The following CSMD1 variants were observed in gnomAD, a reference collection of about 807,000 sequenced individuals.
CSMD1 encodes CUB and Sushi multiple domains 1, also known as CUB and sushi domain-containing protein 1.
A neutral mutation model predicts 417.5 loss-of-function variants in CSMD1; 213 were observed. The ratio of observed to expected loss-of-function variants is 0.51; its 90% CI spans 0.46 to 0.57. The LOEUF (loss-of-function observed/expected upper bound fraction) is 0.57, where lower values mean the gene tolerates loss of function less well. Ranked by LOEUF, CSMD1 falls within the 20% of genes least tolerant of loss-of-function variation. The pLI is 0.00. For missense variants in CSMD1, 6,923 were observed against 4,529.7 expected (o/e 1.53, Z -15.17); for synonymous variants, 2,862 against 1,736.8 (o/e 1.65, Z -16.11).
intron 5 of CSMD1, among the ~76,000 whole-genome samples, chr8:3,786,906 T>G (rs1054468193): frequency 6.6e-6 from 1 of 152,068 alleles, no homozygotes; most frequent in African/African-American, 2.4e-5. Flanking sequence ...CTCCTAATAC[T>G]AGCACCTTTA....
At chr8:4,446,983 G>A (rs892348104) in intron 2 of CSMD1, among the ~76,000 whole-genome samples, 1 of 151,830 alleles carries the variant, frequency 6.6e-6, no homozygotes, top group African/African-American at 2.4e-5. Flanking sequence ...GGAGATGACT[G>A]GGTGGAGTGG....
At chr8:4,708,543 G>A (rs369395874) in intron 1 of CSMD1, among the ~76,000 whole-genome samples, 76 of 152,286 alleles carry the variant, frequency 5.0e-4, no homozygotes, top group African/African-American at 1.8e-3. Flanking sequence ...GTAAATTAAA[G>A]GAAGGTGATT....
At chr8:4,061,936 A>G (rs906813028) in intron 3 of CSMD1, among the ~76,000 whole-genome samples, 9 of 152,316 alleles carry the variant, frequency 5.9e-5, no homozygotes, top group East Asian at 1.9e-4. Flanking sequence ...CTGACTAACG[A>G]AAGATTCTTC....
At chr8:4,066,072 C>G (rs184742113) in intron 3 of CSMD1, among the ~76,000 whole-genome samples, 38 of 152,304 alleles carry the variant, frequency 2.5e-4, no homozygotes, top group Admixed American at 3.3e-4. Flanking sequence ...GAATAGGTGG[C>G]TCATTTACAA....
intron 3 of CSMD1, among the ~76,000 whole-genome samples, chr8:4,175,773 G>C (rs1584960699): frequency 6.6e-6 from 1 of 152,228 alleles, no homozygotes; most frequent in Non-Finnish European, 1.5e-5. Context: ...AAGATATAAA[G>C]TCATGAATAC....
chr8:3,815,094 C>A (rs951062957), intron 5 of CSMD1, among the ~76,000 whole-genome samples: 2 of 152,152 alleles, frequency 1.3e-5, no homozygotes, highest in African/African-American at 2.4e-5. Context: ...TTGAGCTGTA[C>A]ATTTTTTCAG....
At chr8:4,885,993 ATTTATTTAC>A (rs961747901) in intron 1 of CSMD1, among the ~76,000 whole-genome samples, 5 of 150,052 alleles carry the variant, frequency 3.3e-5, no homozygotes, top group Non-Finnish European at 7.5e-5. Context: ...TTATTTACTT[ATTTATTTAC>A]TTATTTGAGA....
intron 1 of CSMD1, among the ~76,000 whole-genome samples, chr8:4,696,413 A>T (rs918449997): frequency 5.3e-5 from 8 of 152,298 alleles, no homozygotes; most frequent in Middle Eastern, 3.4e-3. Context: ...TCACTGAAAC[A>T]TCCTGCTTCT....
At chr8:4,335,271 C>T (rs1452842487) in intron 3 of CSMD1, among the ~76,000 whole-genome samples, 1 of 152,084 alleles carries the variant, frequency 6.6e-6, no homozygotes, top group Non-Finnish European at 1.5e-5. Flanking sequence ...TAACCACCTC[C>T]CAAATGCCCT....
In CSMD1 at chr8:2,942,540, C is replaced by G. The variant is rs373366226; in HGVS notation, c.10467G>C (p.Ala3489=). 6.2e-7 allele frequency: 1 copy of G among 1,609,836 alleles called. No homozygotes were observed. The highest frequency in any genetic ancestry group is 1.3e-5 in the African/African-American group (1 of 74,814). The change falls in exon 69 of 70, where the codon GCG becomes GCC. Residue 3489 remains alanine, a synonymous_variant. Coordinates refer to ENST00000635120, the MANE Select transcript of CSMD1 (RefSeq NM_033225.6). ...CAAAGAAAGGAACCAGAATGGCAGC[C>G]GCCACAGAGCCACTGCTGGTGCCGT... ...HYHGTSSGSV[A]AAILVPFFAL...
At chr8:4,083,051 T>C (rs932921418) in intron 3 of CSMD1, among the ~76,000 whole-genome samples, 31 of 152,180 alleles carry the variant, frequency 2.0e-4, no homozygotes, top group Admixed American at 1.8e-3. Flanking sequence ...TCTTTGCTAT[T>C]GTGAATAGTG....
At position 2,975,323 on chromosome 8, in the gene CSMD1, T is replaced by C. The variant is rs146123102; in HGVS notation, c.8567-699A>G. Among the ~76,000 whole-genome samples, 10 of 152,308 alleles carry C rather than the reference T, an allele frequency of 6.6e-5. No homozygotes were observed. In the East Asian group the frequency reaches 1.9e-3, roughly 29 times the overall value. ...CCAGATTAAAATAGGATAGTGAAGA[T>C]TTATTTTTCCTTTACTGTACAGTAT... On this transcript the variant is annotated intron_variant, in intron 55 of 69. Transcript: ENST00000635120.
intron 12 of CSMD1, among the ~76,000 whole-genome samples, chr8:3,413,503 C>T (rs530757093): frequency 6.6e-6 from 1 of 152,272 alleles, no homozygotes; most frequent in African/African-American, 2.4e-5. Context: ...AAGTAACTGT[C>T]AAAGTAGCAC....
intron 3 of CSMD1, among the ~76,000 whole-genome samples, chr8:4,191,120 G>C (rs1799000714): frequency 1.3e-5 from 2 of 152,078 alleles, no homozygotes; most frequent in African/African-American, 4.8e-5. Flanking sequence ...AACAAGGCCA[G>C]GCGAGGTAGC....
At chr8:3,208,417 C>A (rs564421882) in intron 30 of CSMD1, among the ~76,000 whole-genome samples, 1 of 152,254 alleles carries the variant, frequency 6.6e-6, no homozygotes, top group Non-Finnish European at 1.5e-5. Flanking sequence ...CAGGTGCACA[C>A]CACCACACAC....
intron 10 of CSMD1, 52 bp downstream of exon 10, chr8:3,574,893 C>A: frequency 6.3e-7 from 1 of 1,581,204 alleles, no homozygotes; most frequent in South Asian, 1.2e-5. Flanking sequence ...AACAATAGAT[C>A]CTATAAGAGT....
intron 3 of CSMD1, among the ~76,000 whole-genome samples, chr8:4,068,862 T>C (rs1200628420): frequency 6.6e-6 from 1 of 152,192 alleles, no homozygotes; most frequent in Non-Finnish European, 1.5e-5. Flanking sequence ...CTCCACCATC[T>C]AGTTAGGCAC....
intron 23 of CSMD1, among the ~76,000 whole-genome samples, chr8:3,310,979 A>G (rs1805296326): frequency 1.3e-5 from 2 of 152,174 alleles, no homozygotes; most frequent in African/African-American, 4.8e-5. Context: ...GAAAGCCTGG[A>G]CTAAGAAGTG....
At chr8:3,680,931 C>G (rs1799625826) in intron 7 of CSMD1, among the ~76,000 whole-genome samples, 1 of 152,158 alleles carries the variant, frequency 6.6e-6, no homozygotes, top group Admixed American at 6.5e-5. Context: ...GAACCAATGA[C>G]AAAAACCACA....
Sources: allele counts gnomAD v4.1 joint callset (sites outside exome capture counted in the v4.1 genomes callset), GRCh38; gene constraint gnomAD v4.1.1; transcripts MANE v1.5; gene names NCBI Gene and HGNC (gene_info 2026-07-23, HGNC 2026-07-21).